AKAP19: variants seen among roughly 807,000 people sequenced by gnomAD.
The protein encoded by AKAP19 is A-kinase anchoring protein 19.
chr2:190,058,673 C>A, the AKAP19 span, among the ~76,000 whole-genome samples: 1 of 151,770 alleles, frequency 6.6e-6, no homozygotes, highest in Admixed American at 6.6e-5. Context: ...ACTATTTAAC[C>A]ATAAAAAAGA....
the AKAP19 span, among the ~76,000 whole-genome samples, chr2:190,123,887 A>G: frequency 6.6e-6 from 1 of 152,222 alleles, no homozygotes; most frequent in South Asian, 2.1e-4. Flanking sequence ...TGGGGACCTC[A>G]TGAGAACAAA....
chr2:190,014,850 A>G, the AKAP19 span, among the ~76,000 whole-genome samples: 3 of 152,180 alleles, frequency 2.0e-5, no homozygotes, highest in African/African-American at 7.2e-5. Context: ...CCCCCATGCA[A>G]GTCTGAAATC....
the AKAP19 span, among the ~76,000 whole-genome samples, chr2:190,058,007 A>G: frequency 6.6e-6 from 1 of 152,004 alleles, no homozygotes. Flanking sequence ...AATGAAGGAA[A>G]GAGCTAACAG....
chr2:190,192,450 A>ATGTG, the AKAP19 span, among the ~76,000 whole-genome samples: 1 of 93,786 alleles, frequency 1.1e-5, no homozygotes, highest in African/African-American at 4.5e-5. Flanking sequence ...ATAATTCAGA[A>ATGTG]TCTGTGTGTG....
At chr2:190,026,256 T>G in the AKAP19 span, among the ~76,000 whole-genome samples, 1 of 152,178 alleles carries the variant, frequency 6.6e-6, no homozygotes, top group Non-Finnish European at 1.5e-5. Flanking sequence ...GCCCCCCAGC[T>G]TTATGTGACA....
chr2:189,884,009 C>T, the AKAP19 span, among the ~76,000 whole-genome samples: 1 of 151,960 alleles, frequency 6.6e-6, no homozygotes, highest in African/African-American at 2.4e-5. Flanking sequence ...AACATTTACA[C>T]CCAGATGCTT....
the AKAP19 span, among the ~76,000 whole-genome samples, chr2:189,963,260 T>C: frequency 6.7e-6 from 1 of 148,796 alleles, no homozygotes; most frequent in Admixed American, 6.8e-5. Context: ...GTGGCCGCGA[T>C]CTCCACTCAC....
chr2:190,193,733 GATGT>G, the AKAP19 span, among the ~76,000 whole-genome samples: 2 of 152,126 alleles, frequency 1.3e-5, no homozygotes, highest in Non-Finnish European at 2.9e-5. Context: ...TCTGTATAGA[GATGT>G]ATCTATTAGA....
the AKAP19 span, among the ~76,000 whole-genome samples, chr2:189,926,482 T>C: frequency 6.6e-6 from 1 of 151,712 alleles, no homozygotes; most frequent in Non-Finnish European, 1.5e-5. Context: ...GAGACGGGGT[T>C]TCACTGTGTT....
At chr2:189,958,132 T>C in the AKAP19 span, among the ~76,000 whole-genome samples, 1 of 152,210 alleles carries the variant, frequency 6.6e-6, no homozygotes, top group South Asian at 2.1e-4. Flanking sequence ...TTGCTACGTA[T>C]AATTGACAAA....
the AKAP19 span, among the ~76,000 whole-genome samples, chr2:190,128,239 T>C: frequency 6.6e-6 from 1 of 152,204 alleles, no homozygotes; most frequent in African/African-American, 2.4e-5. Flanking sequence ...CCACACGCCC[T>C]ATCAAACTGG....
At chr2:190,185,554 C>G in the AKAP19 span, among the ~76,000 whole-genome samples, 1 of 152,154 alleles carries the variant, frequency 6.6e-6, no homozygotes, top group Non-Finnish European at 1.5e-5. Flanking sequence ...TGAAGGTCAA[C>G]ATTCATGGCC....
chr2:190,009,326 G>T, the AKAP19 span, among the ~76,000 whole-genome samples: 1 of 152,166 alleles, frequency 6.6e-6, no homozygotes, highest in Non-Finnish European at 1.5e-5. Context: ...GTTGTTAGGG[G>T]CATTTAGGAT....
At chr2:190,114,294 C>G in the AKAP19 span, among the ~76,000 whole-genome samples, 1 of 152,198 alleles carries the variant, frequency 6.6e-6, no homozygotes, top group Non-Finnish European at 1.5e-5. Flanking sequence ...CTCATTCATA[C>G]TTTTCATATC....
At chr2:190,070,578 T>C in the AKAP19 span, among the ~76,000 whole-genome samples, 22 of 151,936 alleles carry the variant, frequency 1.4e-4, no homozygotes, top group African/African-American at 4.8e-4. Flanking sequence ...AAACCTTGAG[T>C]TCAGCGAGTT....
chr2:190,093,820 T>C, the AKAP19 span, among the ~76,000 whole-genome samples: 12 of 152,336 alleles, frequency 7.9e-5, no homozygotes, highest in African/African-American at 2.4e-4. Flanking sequence ...TATTTTTACT[T>C]TGGGAATTTC....
At chr2:190,197,868 T>C in the AKAP19 span, among the ~76,000 whole-genome samples, 2 of 151,952 alleles carry the variant, frequency 1.3e-5, no homozygotes, top group East Asian at 3.8e-4. This position sits in a 1 kb window ranked among gnomAD's most constrained non-coding sequence, Gnocchi z 4.0. Flanking sequence ...GTTCCACTGA[T>C]GGTTCCACTC....
chr2:190,050,480 G>T, the AKAP19 span, among the ~76,000 whole-genome samples: 2 of 152,144 alleles, frequency 1.3e-5, no homozygotes, highest in Non-Finnish European at 2.9e-5. Context: ...GTTTATTTCT[G>T]ATCACGCTTA....
At chr2:189,952,149 C>G in the AKAP19 span, among the ~76,000 whole-genome samples, 1 of 152,152 alleles carries the variant, frequency 6.6e-6, no homozygotes, top group African/African-American at 2.4e-5. Flanking sequence ...ACTTTTGAGC[C>G]TAACTGCTTT....
Sources: allele counts gnomAD v4.1 joint callset (sites outside exome capture counted in the v4.1 genomes callset), GRCh38; gene constraint gnomAD v4.1.1; non-coding constraint Gnocchi (gnomAD v3.1); transcripts MANE v1.5; gene names NCBI Gene and HGNC (gene_info 2026-07-23, HGNC 2026-07-21).